Variants in SNAP91 observed in about 807,000 individuals in gnomAD.
SNAP91 encodes synaptosome associated protein 91.
Under a neutral mutation model 100.3 loss-of-function variants are expected in SNAP91, and 27 were observed. The ratio of observed to expected loss-of-function variants is 0.27; its 90% confidence interval spans 0.20 to 0.37. SNAP91 has a LOEUF of 0.37. SNAP91 is among the 10% of genes least tolerant of loss of function. The pLI, the probability that SNAP91 is intolerant of heterozygous loss-of-function variation, is 1.00. For synonymous variants in SNAP91, 404 were observed against 398.6 expected, an observed-to-expected ratio of 1.01 and a Z score of -0.16; for missense variants, 986 against 1,123.7, an observed-to-expected ratio of 0.88 and a Z score of 1.75.
intron 9 of SNAP91, among the ~76,000 whole-genome samples, chr6:83,617,975 G>A (rs1316130476): frequency 6.6e-6 from 1 of 151,726 alleles, no homozygotes; most frequent in Non-Finnish European, 1.5e-5. Context: ...AAATTAATGT[G>A]AAATTAATTT....
chr6:83,678,433 A>AT (rs1015437740), intron 2 of SNAP91, among the ~76,000 whole-genome samples: 11 of 152,146 alleles, frequency 7.2e-5, no homozygotes, highest in Non-Finnish European at 1.6e-4. Context: ...CTCTCGAGCC[A>AT]TAAAAAAAAC....
chr6:83,581,293 C>A (rs1435510511), intron 23 of SNAP91, among the ~76,000 whole-genome samples: 1 of 152,034 alleles, frequency 6.6e-6, no homozygotes, highest in Non-Finnish European at 1.5e-5. Flanking sequence ...TGATTTTTTT[C>A]TCACTCATTA....
intron 9 of SNAP91, among the ~76,000 whole-genome samples, chr6:83,618,910 C>T (rs940708825): frequency 6.6e-6 from 1 of 151,722 alleles, no homozygotes; most frequent in Admixed American, 6.6e-5. Context: ...AAGAAAAATG[C>T]TATTTTTAGT....
At chr6:83,706,047 C>T (rs1016410394) in intron 2 of SNAP91, among the ~76,000 whole-genome samples, 2 of 152,088 alleles carry the variant, frequency 1.3e-5, no homozygotes, top group African/African-American at 4.8e-5. Context: ...AACCTCCTAC[C>T]TTCAAATTTT....
At chr6:83,606,524 T>C (rs1038029070) in intron 13 of SNAP91, among the ~76,000 whole-genome samples, 1 of 152,180 alleles carries the variant, frequency 6.6e-6, no homozygotes, top group Non-Finnish European at 1.5e-5. Flanking sequence ...ATCTCAGGCA[T>C]ACCCTGTATC....
intron 26 of SNAP91, among the ~76,000 whole-genome samples, chr6:83,571,111 T>G (rs561932484): frequency 9.8e-5 from 14 of 143,080 alleles, no homozygotes; most frequent in African/African-American, 3.3e-4. Context: ...CGCCCACCTC[T>G]TTTTTTTTTT....
intron 8 of SNAP91, among the ~76,000 whole-genome samples, chr6:83,626,567 C>A (rs960985807): frequency 3.9e-5 from 6 of 151,994 alleles, no homozygotes; most frequent in Non-Finnish European, 7.4e-5. Flanking sequence ...TTGTAGAGAT[C>A]TTTTATCTCC....
chr6:83,658,982 T>G lies in SNAP91; in HGVS notation c.546+17A>C. 1 of 1,555,012 alleles carries G rather than the reference T, an allele frequency of 6.4e-7. No homozygotes were observed. On this transcript the variant is annotated intron_variant, in intron 6 of 29. Transcript: ENST00000369694. ...AACATTGATTGTGTATGAAACATTTTCTAGTGAGATACATACATCAAATTC... is the reference window on the plus strand; with the variant it reads ...AACATTGATTGTGTATGAAACATTTGCTAGTGAGATACATACATCAAATTC...
rs1562055656 is a variant in SNAP91 at position 83,553,855 on chromosome 6, T to C, written c.*441A>G. 1 of 152,212 alleles carries C rather than the reference T, an allele frequency of 6.6e-6. No individual in the cohort carries two copies. The highest frequency in any genetic ancestry group is 1.5e-5 in the Non-Finnish European group (1 of 68,028). 9.4% of individuals were successfully genotyped at this position (152,212 alleles called of 1,614,324 possible). ...TCCTTATTATCTGGTATTATCACAC[T>C]ACGCTTGTAACAGAGATACAGAAGA... is the stretch of plus-strand genomic sequence containing the variant. On this transcript the variant is annotated 3_prime_UTR_variant, in exon 30 of 30. Coordinates refer to ENST00000369694, the MANE Select transcript of SNAP91 (RefSeq NM_001242792.2).
chr6:83,644,095 A>G (rs2097823026), intron 7 of SNAP91, among the ~76,000 whole-genome samples: 1 of 152,214 alleles, frequency 6.6e-6, no homozygotes, highest in South Asian at 2.1e-4. Flanking sequence ...ACTTCTCTTT[A>G]GTATAATCTG....
chr6:83,613,719 TTC>T (rs1226317926), intron 11 of SNAP91, among the ~76,000 whole-genome samples: 1 of 152,240 alleles, frequency 6.6e-6, no homozygotes, highest in African/African-American at 2.4e-5. Flanking sequence ...GCACATTTGC[TTC>T]TCTCTTACAC....
At chr6:83,555,470 A>G (rs1249134878) in intron 29 of SNAP91, among the ~76,000 whole-genome samples, 1 of 152,206 alleles carries the variant, frequency 6.6e-6, no homozygotes, top group African/African-American at 2.4e-5. Flanking sequence ...TGACTGTTCT[A>G]TTGAGAAGTG....
At chr6:83,587,859 C>A (rs530908223) in intron 22 of SNAP91, among the ~76,000 whole-genome samples, 2 of 152,220 alleles carry the variant, frequency 1.3e-5, no homozygotes, top group African/African-American at 4.8e-5. Context: ...GAGAATATGA[C>A]TTCCTTATGC....
chr6:83,558,897 A>G (rs181479673), intron 28 of SNAP91, among the ~76,000 whole-genome samples: 199 of 152,324 alleles, frequency 1.3e-3, no homozygotes, highest in African/African-American at 4.6e-3. Context: ...TTAAAAGAGG[A>G]ATCAGGAAAG....
chr6:83,579,700 C>T (rs1027603481), intron 24 of SNAP91, among the ~76,000 whole-genome samples: 3 of 152,178 alleles, frequency 2.0e-5, no homozygotes, highest in African/African-American at 7.2e-5. Flanking sequence ...TCCCTTGAAT[C>T]TGCCAGGCAA....
At chr6:83,669,695 T>C (rs1425927753) in intron 2 of SNAP91, among the ~76,000 whole-genome samples, 1 of 151,988 alleles carries the variant, frequency 6.6e-6, no homozygotes, top group Non-Finnish European at 1.5e-5. Flanking sequence ...TTTCAGTCAA[T>C]ATAAATTAGT....
intron 7 of SNAP91, among the ~76,000 whole-genome samples, chr6:83,650,566 C>T (rs1205354326): frequency 6.6e-6 from 1 of 152,044 alleles, no homozygotes; most frequent in Non-Finnish European, 1.5e-5. Context: ...TACAGGTGCC[C>T]ACCACCACAC....
intron 6 of SNAP91, among the ~76,000 whole-genome samples, chr6:83,657,930 C>CTTTTTT (rs536763578): frequency 9.4e-6 from 1 of 106,118 alleles, no homozygotes; most frequent in Non-Finnish European, 1.9e-5. Flanking sequence ...CCACACCTTG[C>CTTTTTT]TTTTTTTTTT....
At chr6:83,659,114 AGGT>A in intron 5 of SNAP91, 22 bp from the exon 6 acceptor site, 4 of 1,322,738 alleles carry the variant, frequency 3.0e-6, no homozygotes, top group Non-Finnish European at 4.2e-6. Flanking sequence ...AAAAAAAAAA[AGGT>A]ACAATTTCAT....
Sources: gnomAD v4.1 joint callset for allele counts (sites outside exome capture counted in the v4.1 genomes callset) on GRCh38, gnomAD v4.1.1 for gene constraint, MANE v1.5 for transcripts, NCBI Gene and HGNC (gene_info 2026-07-23, HGNC 2026-07-21) for gene names.